ADAR: variants seen among roughly 807,000 people sequenced by gnomAD.
ADAR encodes the protein double-stranded RNA-specific adenosine deaminase.
A neutral mutation model predicts 113.2 loss-of-function variants in ADAR; 41 were observed. The ratio of observed to expected loss-of-function variants is 0.36; its 90% confidence interval spans 0.28 to 0.47. The LOEUF (loss-of-function observed/expected upper bound fraction) is 0.47. Among genes scored for constraint, ADAR ranks in the 20% least tolerant of loss-of-function variants. The probability of loss-of-function intolerance (pLI) is 1.00; values close to 1 mark genes in which losing one functional copy is unlikely to be tolerated. For synonymous variants in ADAR, 605 were observed against 572.6 expected (o/e 1.06, Z -0.81); for missense variants, 1,242 against 1,540.9 (o/e 0.81, Z 3.25).
rs780228174 is a variant in ADAR, at chr1:154,584,781, C to G, written c.*25G>C. On this transcript the variant is annotated 3_prime_UTR_variant, in exon 15 of 15. Coordinates refer to ENST00000368474, the MANE Select transcript of ADAR (RefSeq NM_001111.5). Reference sequence around the variant, plus strand: ...CTCTCACACCCTAGTATGACACACCCTAATCCATCTGTCACTGGAGCATAC... The same window carrying G: ...CTCTCACACCCTAGTATGACACACCGTAATCCATCTGTCACTGGAGCATAC... The G allele has an allele frequency of 5.2e-5, 83 of 1,581,248 alleles. No individual in the cohort carries two copies. The East Asian group carries it at 1.8e-3, about 35-fold the overall frequency.
chr1:154,586,410 C>T, intron 11 of ADAR, 47 bp from the exon 12 acceptor site: 1 of 1,594,842 alleles, frequency 6.3e-7, no homozygotes, highest in Non-Finnish European at 8.6e-7. Flanking sequence ...ATGGACCAAA[C>T]CACTCCCTGG....
intron 14 of ADAR, 81 bp from the exon 15 acceptor site, chr1:154,585,124 G>A: frequency 6.2e-7 from 1 of 1,612,546 alleles, no homozygotes; most frequent in Non-Finnish European, 8.5e-7. Context: ...GGGAGGGGAG[G>A]CGGCTCTCAA....
In ADAR at chr1:154,583,580, GC is replaced by G. The variant is rs1411909471; in HGVS notation, c.*1225del. ...TCAACCCTATAAAGATCAGGTCTGC[GC>G]CCTGCCCACGAGCCTACTTCTGAAG... is the stretch of plus-strand genomic sequence containing the variant. On this transcript the variant is annotated 3_prime_UTR_variant, in exon 15 of 15. Coordinates refer to ENST00000368474, the MANE Select transcript of ADAR (RefSeq NM_001111.5). 2.0e-5 allele frequency: 3 copies of G among 152,184 alleles called. No individual in the cohort carries two copies. The highest frequency in any genetic ancestry group is 1.3e-4 in the Admixed American group (2 of 15,286). The allele number at this position is 152,184 out of a possible 1,614,324, so 9.4% of individuals were successfully genotyped here. A position where few individuals can be genotyped will look rare whatever the true frequency, so the allele number is the denominator to read the frequency against.
At chr1:154,604,171 T>G (rs2101652029) in intron 1 of ADAR, among the ~76,000 whole-genome samples, 1 of 152,352 alleles carries the variant, frequency 6.6e-6, no homozygotes, top group Admixed American at 6.5e-5. Flanking sequence ...AAAACTTTAT[T>G]TACAATTCAT....
intron 11 of ADAR, among the ~76,000 whole-genome samples, chr1:154,586,658 T>C (rs1332597156): frequency 2.0e-5 from 3 of 152,192 alleles, no homozygotes; most frequent in Non-Finnish European, 4.4e-5. Flanking sequence ...ATGCTGACAG[T>C]GCTCTGAAGG....
chr1:154,595,064 T>C (rs1166205431), intron 6 of ADAR, among the ~76,000 whole-genome samples: 2 of 152,174 alleles, frequency 1.3e-5, no homozygotes, highest in Non-Finnish European at 2.9e-5. Flanking sequence ...CAGGGCTCTG[T>C]AACCTGTTAG....
chr1:154,591,191 A>G (rs1324982602), intron 6 of ADAR, among the ~76,000 whole-genome samples: 1 of 152,236 alleles, frequency 6.6e-6, no homozygotes, highest in Non-Finnish European at 1.5e-5. Flanking sequence ...CTTACTATAA[A>G]GGAAGATTAT....
chr1:154,587,716 A>C (rs1045633097), intron 11 of ADAR, among the ~76,000 whole-genome samples: 1 of 152,194 alleles, frequency 6.6e-6, no homozygotes, highest in African/African-American at 2.4e-5. Context: ...AGGGGACCCC[A>C]GCATTTGGCA....
At chr1:154,612,318 GTTTTTT>G (rs55714254), upstream of ADAR, among the ~76,000 whole-genome samples, 47 of 69,198 alleles carry the variant, frequency 6.8e-4, no homozygotes, top group Middle Eastern at 0.011. Context: ...AAATTACTCA[GTTTTTT>G]TTTTTTTTTT....
chr1:154,605,405 C>T (rs1030900152), intron 1 of ADAR, among the ~76,000 whole-genome samples: 3 of 150,474 alleles, frequency 2.0e-5, no homozygotes, highest in Non-Finnish European at 4.4e-5. Flanking sequence ...CCTGTTAAAC[C>T]ATTTACTTTC....
Position 154,586,289 on chromosome 1 carries a change from G to T in ADAR, c.3094C>A (p.Arg1032Ser), listed in dbSNP as rs762747734. The T allele has an allele frequency of 6.2e-7, 1 of 1,614,174 alleles. No individual in the cohort carries two copies. The highest frequency in any genetic ancestry group is 8.5e-7 in the Non-Finnish European group (1 of 1,180,032). ...WDGIRLGERL[R>S]TMSCSDKILR... ...ATTTTGTCACTACAGGACATGGTAC[G>T]GAGTCTCTCCCCGAGCCGAATGCCA... Residue 1032 changes from arginine (R) to serine (S), a missense_variant, in exon 12 of 15, where the codon CGT (arginine) becomes AGT (serine). Physicochemically the swap from Arg to Ser is moderately radical, Grantham distance 110. Transcript: ENST00000368474.
chr1:154,607,563 G>A (rs555963588), intron 1 of ADAR, among the ~76,000 whole-genome samples: 1 of 152,256 alleles, frequency 6.6e-6, no homozygotes, highest in East Asian at 1.9e-4. Flanking sequence ...TAGCAGAAAG[G>A]GAGACGATGT....
chr1:154,587,798 T>C (rs1288233228), intron 11 of ADAR, among the ~76,000 whole-genome samples: 1 of 152,170 alleles, frequency 6.6e-6, no homozygotes, highest in Admixed American at 6.5e-5. Context: ...CTTGAGGTAA[T>C]CCTATGCATT....
intron 2 of ADAR, chr1:154,600,364 T>C (rs1306446648): frequency 6.5e-6 from 1 of 153,302 alleles, no homozygotes; most frequent in African/African-American, 2.4e-5. Flanking sequence ...TTTCACCATG[T>C]TGGCCAGGCT....
At chr1:154,586,480 T>C (rs980809709) in intron 11 of ADAR, 117 bp from the exon 12 acceptor site, 1 of 1,084,312 alleles carries the variant, frequency 9.2e-7, no homozygotes, top group Non-Finnish European at 1.4e-6. Flanking sequence ...TCTTCACATA[T>C]TTCACAGCCC....
intron 1 of ADAR, chr1:154,627,799 A>C: frequency 1.9e-6 from 1 of 514,284 alleles, no homozygotes; most frequent in Non-Finnish European, 3.9e-6. Flanking sequence ...GAGAGGCCGC[A>C]TGGGCCGCGC....
chr1:154,584,691 A>C lies in ADAR; in HGVS notation c.*115T>G, dbSNP rs1696627367. On this transcript the variant is annotated 3_prime_UTR_variant, in exon 15 of 15. Coordinates refer to ENST00000368474, the MANE Select transcript of ADAR (RefSeq NM_001111.5). ...TTTCAGTATCACCAATTATGGCTTAAAAAGAAAAAAAAAGGAGAAAAAAAA... is the reference window on the plus strand; with the variant it reads ...TTTCAGTATCACCAATTATGGCTTACAAAGAAAAAAAAAGGAGAAAAAAAA... 1.0e-6 allele frequency: 1 copy of C among 988,206 alleles called. No individual in the cohort carries two copies. Among genetic ancestry groups the C allele is most frequent in the Non-Finnish European group, 1.5e-6 (1 of 645,416 alleles). The allele number at this position is 988,206 out of a possible 1,614,324, so 61.2% of individuals were successfully genotyped here.
intron 10 of ADAR, 111 bp downstream of exon 10, chr1:154,588,440 G>T: frequency 2.0e-6 from 3 of 1,518,012 alleles, no homozygotes; most frequent in Non-Finnish European, 2.7e-6. Flanking sequence ...AACCCACAGT[G>T]GAGTGTGGCT....
intron 2 of ADAR, among the ~76,000 whole-genome samples, chr1:154,599,118 T>C (rs955745198): frequency 6.6e-6 from 1 of 152,204 alleles, no homozygotes; most frequent in Non-Finnish European, 1.5e-5. Context: ...TAGTTTGTTA[T>C]GAGTCACTCT....
Sources: gnomAD v4.1 joint callset for allele counts (sites outside exome capture counted in the v4.1 genomes callset) on GRCh38, gnomAD v4.1.1 for gene constraint, MANE v1.5 for transcripts, NCBI Gene and HGNC (gene_info 2026-07-23, HGNC 2026-07-21) for gene names.